SPIDR: variants seen among roughly 807,000 people sequenced by gnomAD.
SPIDR encodes the protein scaffold protein involved in DNA repair.
In SPIDR, 93 loss-of-function variants were observed where a neutral mutation model predicts 104.6. The observed-to-expected ratio is 0.89, with a 90% CI of 0.75 to 1.06. The LOEUF (loss-of-function observed/expected upper bound fraction) is 1.06. SPIDR is among the 50% of genes least tolerant of loss of function. The pLI is 0.00. For synonymous variants in SPIDR, 431 were observed against 416.9 expected (o/e 1.03, Z -0.41); for missense variants, 1,154 against 1,111.2 (o/e 1.04, Z -0.55).
intron 10 of SPIDR, among the ~76,000 whole-genome samples, chr8:47,659,961 C>A (rs914045019): frequency 6.6e-6 from 1 of 152,228 alleles, no homozygotes; most frequent in Non-Finnish European, 1.5e-5. Context: ...GCCACTTAAT[C>A]TGCCCTCTCA....
Position 47,486,007 on chromosome 8 carries a change from G to A in SPIDR, c.1097+45465G>A, listed in dbSNP as rs756401163. 1.4e-3 allele frequency among the ~76,000 whole-genome samples: 210 copies of A among 152,292 alleles called. 1 individual carries two copies. Among genetic ancestry groups the A allele is most frequent in the Non-Finnish European group, 2.0e-3 (138 of 68,020 alleles). On this transcript the variant is annotated intron_variant, in intron 8 of 19. Coordinates refer to ENST00000297423, the MANE Select transcript of SPIDR (RefSeq NM_001080394.4). ...GGAACAAAGCTGGACAGAGAATGACGACTTTGACGAGTTGAGAGATGAAGG... is the reference window on the plus strand; with the variant it reads ...GGAACAAAGCTGGACAGAGAATGACAACTTTGACGAGTTGAGAGATGAAGG...
chr8:47,387,521 T>C (rs1410029667), intron 5 of SPIDR, among the ~76,000 whole-genome samples: 2 of 152,128 alleles, frequency 1.3e-5, no homozygotes, highest in Non-Finnish European at 2.9e-5. Context: ...AGGTAAAACT[T>C]AGTCATGAAT....
chr8:47,484,152 G>T (rs993354556), intron 8 of SPIDR, among the ~76,000 whole-genome samples: 1 of 152,194 alleles, frequency 6.6e-6, no homozygotes, highest in Non-Finnish European at 1.5e-5. Flanking sequence ...TGACCTCACC[G>T]AAAGAAGTCA....
chr8:47,418,248 T>C (rs1270131008), intron 7 of SPIDR, among the ~76,000 whole-genome samples: 1 of 152,316 alleles, frequency 6.6e-6, no homozygotes, highest in African/African-American at 2.4e-5. Flanking sequence ...ATTCTTCCTA[T>C]CCATGAGCAT....
intron 8 of SPIDR, among the ~76,000 whole-genome samples, chr8:47,557,867 A>T (rs964141987): frequency 2.0e-5 from 3 of 152,170 alleles, no homozygotes; most frequent in African/African-American, 7.2e-5. Flanking sequence ...AATGGGCTTT[A>T]CTGTTATTCA....
At chr8:47,466,963 CTGCT>C (rs1269253180) in intron 8 of SPIDR, among the ~76,000 whole-genome samples, 1 of 144,968 alleles carries the variant, frequency 6.9e-6, no homozygotes, top group Non-Finnish European at 1.5e-5. Flanking sequence ...AAAAAATAGA[CTGCT>C]AGCTAGACTA....
At chr8:47,596,575 G>A (rs1009857815) in intron 9 of SPIDR, among the ~76,000 whole-genome samples, 7 of 152,220 alleles carry the variant, frequency 4.6e-5, no homozygotes, top group Non-Finnish European at 8.8e-5. Flanking sequence ...CGATGAGTCA[G>A]TGAGTGAGTG....
At chr8:47,608,979 G>A (rs946527999) in intron 10 of SPIDR, among the ~76,000 whole-genome samples, 2 of 152,166 alleles carry the variant, frequency 1.3e-5, no homozygotes, top group Admixed American at 6.5e-5. Flanking sequence ...TGCCTGCCTC[G>A]GCCTCCCAAA....
chr8:47,362,984 T>A (rs1339073911), intron 5 of SPIDR, among the ~76,000 whole-genome samples: 1 of 151,508 alleles, frequency 6.6e-6, no homozygotes, highest in Non-Finnish European at 1.5e-5. Context: ...CATCGCCCAT[T>A]AGACAACATA....
intron 8 of SPIDR, among the ~76,000 whole-genome samples, chr8:47,593,748 A>T (rs2061332556): frequency 6.6e-6 from 1 of 151,480 alleles, no homozygotes; most frequent in African/African-American, 2.4e-5. Flanking sequence ...AGAGGGAGAG[A>T]CTCCTTGTTC....
At chr8:47,457,997 C>A (rs2073283353) in intron 8 of SPIDR, among the ~76,000 whole-genome samples, 1 of 152,142 alleles carries the variant, frequency 6.6e-6, no homozygotes, top group Non-Finnish European at 1.5e-5. Context: ...TGGCTATGGC[C>A]TTATAGTCTA....
chr8:47,422,586 G>T (rs1453582422), intron 7 of SPIDR, among the ~76,000 whole-genome samples: 2 of 152,210 alleles, frequency 1.3e-5, no homozygotes, highest in South Asian at 4.1e-4. Flanking sequence ...CCCTGCTTCG[G>T]CTCACGCTCT....
intron 6 of SPIDR, among the ~76,000 whole-genome samples, chr8:47,404,209 A>T (rs1316719245): frequency 6.6e-6 from 1 of 152,252 alleles, no homozygotes; most frequent in African/African-American, 2.4e-5. Context: ...TTCAAGATGG[A>T]TTAAAGCATT....
chr8:47,310,270 G>A (rs1392354508), intron 5 of SPIDR, among the ~76,000 whole-genome samples: 1 of 150,032 alleles, frequency 6.7e-6, no homozygotes, highest in Non-Finnish European at 1.5e-5. Flanking sequence ...GGAGGTGGAG[G>A]TCGCAGTGAG....
chr8:47,398,853 G>A (rs539228784), intron 6 of SPIDR, among the ~76,000 whole-genome samples: 83 of 152,280 alleles, frequency 5.5e-4, no homozygotes, highest in South Asian at 1.2e-3. Flanking sequence ...AGGAGCCAAA[G>A]CAAAGGGAGC....
At chr8:47,361,640 G>C (rs1183915302) in intron 5 of SPIDR, among the ~76,000 whole-genome samples, 1 of 152,198 alleles carries the variant, frequency 6.6e-6, no homozygotes, top group African/African-American at 2.4e-5. Flanking sequence ...CTCTGGGGTG[G>C]GGCTCCACCC....
chr8:47,623,496 T>C (rs185579916), intron 10 of SPIDR, among the ~76,000 whole-genome samples: 1 of 152,228 alleles, frequency 6.6e-6, no homozygotes, highest in East Asian at 1.9e-4. Context: ...GAAACCCATC[T>C]CACGTGCAGA....
intron 8 of SPIDR, among the ~76,000 whole-genome samples, chr8:47,572,698 A>AAATAAATAAATAAATAAAT (rs1380922462): frequency 4.6e-5 from 7 of 151,336 alleles, no homozygotes; most frequent in Non-Finnish European, 1.5e-5. Context: ...ATAAATAAAT[A>AAATAAATAAATAAATAAAT]AATAAATAAA....
chr8:47,355,853 A>C (rs1216858262), intron 5 of SPIDR, among the ~76,000 whole-genome samples: 1 of 152,202 alleles, frequency 6.6e-6, no homozygotes, highest in Admixed American at 6.5e-5. Context: ...TTTCCTGTTA[A>C]ATTCCGGAAG....
Sources: gnomAD v4.1 joint callset for allele counts (sites outside exome capture counted in the v4.1 genomes callset) on GRCh38, gnomAD v4.1.1 for gene constraint, MANE v1.5 for transcripts, NCBI Gene and HGNC (gene_info 2026-07-23, HGNC 2026-07-21) for gene names.